Variants in RAPGEF2 observed in about 807,000 individuals in gnomAD.
RAPGEF2 encodes Rap guanine nucleotide exchange factor 2.
RAPGEF2 carries 54 observed loss-of-function variants against 186.7 expected under a neutral mutation model. That is an observed-to-expected ratio of 0.29 (90% CI 0.23 to 0.36). The LOEUF (loss-of-function observed/expected upper bound fraction) is 0.36. Ranked by LOEUF, RAPGEF2 falls within the 10% of genes least tolerant of loss-of-function variation. The pLI is 1.00. For missense variants in RAPGEF2, 1,532 were observed against 2,045.0 expected, an observed-to-expected ratio of 0.75 and a Z score of 4.84; for synonymous variants, 712 against 705.9, an observed-to-expected ratio of 1.01 and a Z score of -0.14.
At chr4:159,161,390 TG>T (rs1032533550) in intron 1 of RAPGEF2, among the ~76,000 whole-genome samples, 4 of 152,328 alleles carry the variant, frequency 2.6e-5, no homozygotes, top group Admixed American at 2.6e-4. Context: ...GTTTTCTTTT[TG>T]CGAAGTGTTA....
intron 7 of RAPGEF2, among the ~76,000 whole-genome samples, chr4:159,302,185 A>G (rs1052594327): frequency 3.3e-5 from 5 of 152,206 alleles, no homozygotes; most frequent in African/African-American, 1.2e-4. Context: ...CTCTTATGTT[A>G]GGCTTGGAGC....
intron 7 of RAPGEF2, among the ~76,000 whole-genome samples, chr4:159,292,133 C>T (rs1761310798): frequency 6.6e-6 from 1 of 152,054 alleles, no homozygotes; most frequent in Admixed American, 6.6e-5. Flanking sequence ...ATTTTGAGCT[C>T]CCAAAACCCT....
At chr4:159,339,015 G>GC (rs1767861027) in intron 18 of RAPGEF2, 99 bp from the exon 19 acceptor site, 2 of 1,411,170 alleles carry the variant, frequency 1.4e-6, no homozygotes, top group South Asian at 2.8e-5. Flanking sequence ...GTTCAGCATT[G>GC]CTTTTTCTTA....
At chr4:159,273,630 CT>C (rs1491419475) in intron 7 of RAPGEF2, among the ~76,000 whole-genome samples, 4 of 10,894 alleles carry the variant, frequency 3.7e-4, no homozygotes, top group African/African-American at 1.3e-3. Flanking sequence ...TAATCAGTTT[CT>C]TTCTTTCTTT....
chr4:159,214,771 TATG>T (rs140810625), intron 4 of RAPGEF2, among the ~76,000 whole-genome samples: 10,362 of 152,304 alleles, frequency 0.068, 512 homozygotes, highest in African/African-American at 0.13. Context: ...ACCTAGGTTT[TATG>T]TTAACTCATT....
chr4:159,236,686 T>C (rs1327284698), intron 4 of RAPGEF2, among the ~76,000 whole-genome samples: 1 of 152,210 alleles, frequency 6.6e-6, no homozygotes, highest in African/African-American at 2.4e-5. Context: ...ATTGAGATTA[T>C]TTATTTGCAG....
chr4:159,332,356 C>T (rs1766805380), intron 16 of RAPGEF2, 95 bp from the exon 17 acceptor site: 2 of 1,314,494 alleles, frequency 1.5e-6, no homozygotes, highest in Admixed American at 2.2e-5. Context: ...GAAGTCTGTA[C>T]TTCTCATATA....
At chr4:159,302,975 G>A (rs1025490743) in intron 7 of RAPGEF2, among the ~76,000 whole-genome samples, 3 of 151,710 alleles carry the variant, frequency 2.0e-5, no homozygotes, top group Non-Finnish European at 4.4e-5. Context: ...CATTTATTTG[G>A]CATCTAATTA....
intron 4 of RAPGEF2, among the ~76,000 whole-genome samples, chr4:159,227,260 C>T (rs1309055530): frequency 6.6e-6 from 1 of 152,086 alleles, no homozygotes; most frequent in African/African-American, 2.4e-5. Flanking sequence ...TATTCATCTG[C>T]CATTTTTCTC....
intron 7 of RAPGEF2, among the ~76,000 whole-genome samples, chr4:159,280,865 T>C (rs1024838298): frequency 2.6e-5 from 4 of 152,176 alleles, no homozygotes; most frequent in African/African-American, 4.8e-5. Flanking sequence ...AAAGAACTAT[T>C]CCAACTAGGT....
chr4:159,228,343 C>A (rs1157905222), intron 4 of RAPGEF2: 1 of 152,166 alleles, frequency 6.6e-6, no homozygotes, highest in African/African-American at 2.4e-5. Flanking sequence ...TTCAAAGATA[C>A]TGAAGACAGT....
chr4:159,142,738 A>C lies in RAPGEF2; in HGVS notation c.69+38507A>C, dbSNP rs151019606. On this transcript the variant is annotated intron_variant, in intron 1 of 29. Coordinates refer to ENST00000691494, the MANE Select transcript of RAPGEF2 (RefSeq NM_001394067.2). ...GGTTTTTTAAAAAATCTTCTCTCTT[A>C]TAAATAGTATGAGTAACAAATATTT... is the stretch of plus-strand genomic sequence containing the variant. 4.5e-3 allele frequency among the ~76,000 whole-genome samples: 693 copies of C among 152,316 alleles called. 6 individuals carry two copies. Among genetic ancestry groups the C allele is most frequent in the African/African-American group, 0.015 (640 of 41,568 alleles).
chr4:159,251,232 C>G (rs988341123), intron 7 of RAPGEF2, among the ~76,000 whole-genome samples: 2 of 152,246 alleles, frequency 1.3e-5, no homozygotes, highest in African/African-American at 4.8e-5. Flanking sequence ...CGTGGGCTCC[C>G]GTGCTGCCTG....
At chr4:159,306,008 T>C (rs374657192) in intron 8 of RAPGEF2, among the ~76,000 whole-genome samples, 6 of 152,184 alleles carry the variant, frequency 3.9e-5, no homozygotes, top group Non-Finnish European at 8.8e-5. Context: ...TTTTGTTCCA[T>C]TGATCTATGT....
In RAPGEF2 at chr4:159,103,358, C is replaced by T. The variant is rs1439441318; in HGVS notation, c.-805C>T. On this transcript the variant is annotated 5_prime_UTR_variant, in exon 1 of 30. Coordinates refer to ENST00000691494, the MANE Select transcript of RAPGEF2 (RefSeq NM_001394067.2). ...GCTCTGGCCGCGGCGGCGCCGGCGC[C>T]GGGGCAGCTCCGCTCCGGGCGCGCT... The T allele has an allele frequency of 2.0e-5, 3 of 151,458 alleles. No homozygotes were observed. Among genetic ancestry groups the T allele is most frequent in the Non-Finnish European group, 3.0e-5 (2 of 67,648 alleles). 9.4% of individuals were successfully genotyped at this position (151,458 alleles called of 1,614,324 possible).
intron 7 of RAPGEF2, among the ~76,000 whole-genome samples, chr4:159,295,351 T>G (rs76384591): frequency 0.06 from 9,153 of 152,050 alleles, 462 homozygotes; most frequent in Non-Finnish European, 0.089. Context: ...GAAAATGAAT[T>G]GAAAAGGAAA....
chr4:159,169,944 G>A lies in RAPGEF2; in HGVS notation c.70-16698G>A, dbSNP rs571555776. Among the ~76,000 whole-genome samples, 10 of 152,150 alleles carry A rather than the reference G, an allele frequency of 6.6e-5. No individual in the cohort carries two copies. The South Asian group carries it at 8.3e-4, about 13-fold the overall frequency. ...TGAATATATAGCCAGTAGTGGGACC[G>A]CTTGATCATATGGTAGTCCTATTTT... On this transcript the variant is annotated intron_variant, in intron 1 of 29. Transcript: ENST00000691494.
intron 7 of RAPGEF2, among the ~76,000 whole-genome samples, chr4:159,299,045 G>C (rs1462886794): frequency 6.6e-6 from 1 of 152,116 alleles, no homozygotes. Flanking sequence ...ACTCCACCTT[G>C]TAGAGATTAA....
intron 8 of RAPGEF2, among the ~76,000 whole-genome samples, chr4:159,306,970 ATTG>A (rs1376141300): frequency 6.6e-6 from 1 of 152,202 alleles, no homozygotes; most frequent in African/African-American, 2.4e-5. Context: ...AATAATTCTA[ATTG>A]TTAAGAAACA....
Sources: gnomAD v4.1 joint callset for allele counts (sites outside exome capture counted in the v4.1 genomes callset) on GRCh38, gnomAD v4.1.1 for gene constraint, MANE v1.5 for transcripts, NCBI Gene and HGNC (gene_info 2026-07-23, HGNC 2026-07-21) for gene names.